FBXL13: variants seen among roughly 807,000 people sequenced by gnomAD.
FBXL13 encodes F-box and leucine-rich repeat protein 13.
A neutral mutation model predicts 83.6 loss-of-function variants in FBXL13; 67 were observed. The observed-to-expected ratio is 0.80, with a 90% CI of 0.66 to 0.98. FBXL13 has a LOEUF of 0.98. Among genes scored for constraint, FBXL13 ranks in the 50% least tolerant of loss-of-function variants. The pLI is 0.00. For missense variants in FBXL13, 822 were observed against 866.5 expected (o/e 0.95, Z 0.64); for synonymous variants, 272 against 299.5 (o/e 0.91, Z 0.95).
intron 8 of FBXL13, among the ~76,000 whole-genome samples, chr7:102,935,181 T>C (rs1820044630): frequency 6.6e-6 from 1 of 151,126 alleles, no homozygotes; most frequent in South Asian, 2.1e-4. Context: ...GTATTTCTTA[T>C]CATTTAGTCC....
intron 6 of FBXL13, among the ~76,000 whole-genome samples, chr7:102,977,658 T>C (rs542253079): frequency 6.6e-6 from 1 of 152,348 alleles, no homozygotes; most frequent in African/African-American, 2.4e-5. Flanking sequence ...ACTATGTTTA[T>C]TGTGGCACTA....
At chr7:103,002,200 T>G (rs916789449) in intron 6 of FBXL13, among the ~76,000 whole-genome samples, 2 of 152,154 alleles carry the variant, frequency 1.3e-5, no homozygotes, top group Non-Finnish European at 2.9e-5. Flanking sequence ...GTCATTACCA[T>G]GAGAATTACA....
intron 18 of FBXL13, among the ~76,000 whole-genome samples, chr7:102,826,741 A>ATATATATATG (rs1799730044): frequency 1.6e-5 from 1 of 64,042 alleles, no homozygotes; most frequent in Admixed American, 1.7e-4. Flanking sequence ...ATATATATAT[A>ATATATATATG]TATATATATA....
intron 17 of FBXL13, among the ~76,000 whole-genome samples, chr7:102,845,702 T>G (rs920517616): frequency 6.6e-6 from 1 of 152,198 alleles, no homozygotes; most frequent in African/African-American, 2.4e-5. Flanking sequence ...CTTCCCTTGT[T>G]CAGGTTGCTA....
chr7:102,913,087 T>C, exon 11 of FBXL13: 2 of 1,614,084 alleles, frequency 1.2e-6, no homozygotes, highest in South Asian at 1.1e-5. Flanking sequence ...AAGACAAACC[T>C]GGGTGCAGCC....
chr7:102,907,816 C>A (rs777285282), intron 11 of FBXL13, among the ~76,000 whole-genome samples: 5 of 152,136 alleles, frequency 3.3e-5, no homozygotes, highest in Non-Finnish European at 5.9e-5. Context: ...TAAAAAAATG[C>A]TCATCATCAC....
chr7:102,816,911 A>G (rs1798094152), intron 19 of FBXL13, among the ~76,000 whole-genome samples: 1 of 152,216 alleles, frequency 6.6e-6, no homozygotes, highest in Non-Finnish European at 1.5e-5. Flanking sequence ...CTCCAGCCGC[A>G]TCCATGTTGC....
chr7:102,851,216 G>C (rs1259163154), intron 17 of FBXL13, among the ~76,000 whole-genome samples: 1 of 152,082 alleles, frequency 6.6e-6, no homozygotes. Context: ...AATGCTAGAG[G>C]TCTAGAGAAT....
intron 6 of FBXL13, among the ~76,000 whole-genome samples, chr7:103,003,244 T>C (rs1024631514): frequency 2.0e-5 from 3 of 151,540 alleles, no homozygotes; most frequent in African/African-American, 7.3e-5. Flanking sequence ...GATTTCTGTT[T>C]AAGTGTGTTT....
chr7:102,902,810 T>C (rs1385238556), intron 11 of FBXL13, among the ~76,000 whole-genome samples: 1 of 152,178 alleles, frequency 6.6e-6, no homozygotes. Flanking sequence ...GTCAGTGCCA[T>C]GTTGTTTTGG....
chr7:102,952,492 G>C (rs910879238), intron 8 of FBXL13, among the ~76,000 whole-genome samples: 34 of 151,976 alleles, frequency 2.2e-4, no homozygotes, highest in African/African-American at 8.0e-4. Context: ...AATGAAAGTG[G>C]GTACATTAGT....
chr7:102,965,653 C>A (rs1240272625), intron 7 of FBXL13, among the ~76,000 whole-genome samples: 3 of 152,190 alleles, frequency 2.0e-5, no homozygotes, highest in African/African-American at 7.2e-5. Flanking sequence ...TGCCACAGTA[C>A]TATTTTTTAA....
intron 7 of FBXL13, among the ~76,000 whole-genome samples, chr7:102,967,311 T>C: frequency 6.6e-6 from 1 of 151,652 alleles, no homozygotes; most frequent in East Asian, 1.9e-4. Context: ...CTTGCTCTGT[T>C]GCCTAGGCTG....
At chr7:103,047,978 G>A (rs772023306) in intron 2 of FBXL13, among the ~76,000 whole-genome samples, 5 of 152,200 alleles carry the variant, frequency 3.3e-5, no homozygotes, top group African/African-American at 7.2e-5. Context: ...TTACAGGCAT[G>A]AGCCACTGTG....
intron 10 of FBXL13, among the ~76,000 whole-genome samples, chr7:102,914,309 G>A (rs538935149): frequency 6.6e-6 from 1 of 152,322 alleles, no homozygotes; most frequent in South Asian, 2.1e-4. Context: ...CTGACCTCAG[G>A]TGATCCACCC....
chr7:103,069,952 G>A (rs1462011961), intron 1 of FBXL13, among the ~76,000 whole-genome samples: 3 of 151,812 alleles, frequency 2.0e-5, no homozygotes, highest in Admixed American at 6.6e-5. Context: ...GGTGGCAGGC[G>A]CCTGTAGTCC....
intron 8 of FBXL13, among the ~76,000 whole-genome samples, chr7:102,948,923 G>T (rs1265915193): frequency 2.6e-5 from 4 of 152,000 alleles, no homozygotes; most frequent in African/African-American, 4.8e-5. Flanking sequence ...TGTTGGCCAG[G>T]CTGGGCTCAA....
At chr7:102,836,663 T>C (rs1802044061) in intron 17 of FBXL13, among the ~76,000 whole-genome samples, 1 of 152,234 alleles carries the variant, frequency 6.6e-6, no homozygotes, top group African/African-American at 2.4e-5. Flanking sequence ...GGAAGAAAAC[T>C]TCCATATCTC....
intron 8 of FBXL13, chr7:102,934,658 A>C: frequency 6.3e-7 from 1 of 1,599,304 alleles, no homozygotes; most frequent in Non-Finnish European, 8.5e-7. Flanking sequence ...TGTGTTTCCC[A>C]TACAAACACT....
Sources: gnomAD v4.1 joint callset for allele counts (sites outside exome capture counted in the v4.1 genomes callset) on GRCh38, gnomAD v4.1.1 for gene constraint, MANE v1.5 for transcripts, NCBI Gene and HGNC (gene_info 2026-07-23, HGNC 2026-07-21) for gene names.